TTLL5: variants seen among roughly 807,000 people sequenced by gnomAD.
TTLL5 encodes the protein tubulin tyrosine ligase like 5.
TTLL5 carries 132 observed loss-of-function variants against 168.4 expected under a neutral mutation model. The ratio of observed to expected loss-of-function variants is 0.78; its 90% CI spans 0.68 to 0.91. The LOEUF (loss-of-function observed/expected upper bound fraction) is 0.91, where lower values mean the gene tolerates loss of function less well. Ranked by LOEUF, TTLL5 falls within the 40% of genes least tolerant of loss-of-function variation. TTLL5 has a pLI of 0.00. For synonymous variants in TTLL5, 546 were observed against 558.6 expected, an observed-to-expected ratio of 0.98 and a Z score of 0.32; for missense variants, 1,545 against 1,581.5, an observed-to-expected ratio of 0.98 and a Z score of 0.39.
chr14:75,716,740 C>T (rs189525865), intron 9 of TTLL5, among the ~76,000 whole-genome samples: 57 of 152,196 alleles, frequency 3.7e-4, no homozygotes, highest in Non-Finnish European at 7.2e-4. Context: ...TGATACTGAG[C>T]ATCCTTTTGT....
intron 29 of TTLL5, among the ~76,000 whole-genome samples, chr14:75,870,315 C>T (rs1474962786): frequency 6.6e-6 from 1 of 150,768 alleles, no homozygotes; most frequent in Non-Finnish European, 1.5e-5. Context: ...CTATATTGCC[C>T]AGGCAGGTCT....
chr14:75,707,760 A>G (rs1886763950), intron 9 of TTLL5, 53 bp downstream of exon 9: 2 of 1,396,626 alleles, frequency 1.4e-6, no homozygotes, highest in Non-Finnish European at 2.0e-6. Context: ...AAGGGTGGGT[A>G]TATTAAGAGT....
intron 18 of TTLL5, among the ~76,000 whole-genome samples, chr14:75,762,453 A>G: frequency 6.6e-6 from 1 of 152,302 alleles, no homozygotes; most frequent in Middle Eastern, 3.4e-3. Context: ...TAGCTAAAAG[A>G]TATCCAACTT....
At chr14:75,753,613 G>C (rs1890084500) in intron 18 of TTLL5, among the ~76,000 whole-genome samples, 1 of 152,146 alleles carries the variant, frequency 6.6e-6, no homozygotes, top group East Asian at 1.9e-4. Flanking sequence ...TCTTAAAATA[G>C]ATACCCATGT....
At chr14:75,775,430 G>C in intron 21 of TTLL5, 54 bp from the exon 22 acceptor site, 18 of 1,590,850 alleles carry the variant, frequency 1.1e-5, no homozygotes, top group Non-Finnish European at 1.5e-5. Flanking sequence ...CTTGTCTTCT[G>C]TTGCTTAGCA....
rs1225151935 is a variant in TTLL5, at chr14:75,925,270, G to A, written c.3823+23046G>A. On this transcript the variant is annotated intron_variant, in intron 31 of 31. Coordinates refer to ENST00000298832, the MANE Select transcript of TTLL5 (RefSeq NM_015072.5). ...CTCCCTCCCGGACGGGGTGGCTGCCGGGCGGAGGGGCTCCTCACTTCTCAG... is the reference window on the plus strand; with the variant it reads ...CTCCCTCCCGGACGGGGTGGCTGCCAGGCGGAGGGGCTCCTCACTTCTCAG... Among the ~76,000 whole-genome samples the A allele has an allele frequency of 2.3e-3, 341 of 151,224 alleles. 1 individual carries two copies. Among genetic ancestry groups the A allele is most frequent in the Non-Finnish European group, 3.6e-3 (247 of 67,774 alleles).
intron 6 of TTLL5, among the ~76,000 whole-genome samples, chr14:75,691,334 A>G (rs1399114244): frequency 1.3e-5 from 2 of 152,206 alleles, no homozygotes; most frequent in Admixed American, 6.5e-5. Context: ...AGCCTGACTC[A>G]GTAGGCTTAA....
Position 75,860,819 on chromosome 14 carries a change from A to C in TTLL5, c.3327-2848A>C, listed in dbSNP as rs753959059. 8.0e-4 allele frequency among the ~76,000 whole-genome samples: 121 copies of C among 152,084 alleles called. 3 individuals carry two copies. The highest frequency in any genetic ancestry group is 2.1e-4 in the Non-Finnish European group (14 of 68,026). ...AGTTTTGGGTGTTTTATCTTCAGTA[A>C]GCTTTTCTCTTCCCTCACTAATGAG... On this transcript the variant is annotated intron_variant, in intron 28 of 31. Coordinates refer to ENST00000298832, the MANE Select transcript of TTLL5 (RefSeq NM_015072.5).
At chr14:75,891,027 T>C (rs2032376734) in intron 30 of TTLL5, among the ~76,000 whole-genome samples, 1 of 152,214 alleles carries the variant, frequency 6.6e-6, no homozygotes, top group Non-Finnish European at 1.5e-5. Context: ...CCCATTTTTC[T>C]GAAATCTTTG....
rs550878655 is a variant in TTLL5, at chr14:75,891,548, G to A, written c.3740+8646G>A. On this transcript the variant is annotated intron_variant, in intron 30 of 31. Transcript: ENST00000298832. ...TTGCATGGTTTGTTTTTGAGAGAAG[G>A]GATAAACTCATTCCCAGTGCCTGAG... Among the ~76,000 whole-genome samples, 253 of 152,212 alleles carry A rather than the reference G, an allele frequency of 1.7e-3. 1 individual carries two copies. Among genetic ancestry groups the A allele is most frequent in the Non-Finnish European group, 2.9e-3 (195 of 68,004 alleles).
chr14:75,793,174 C>T lies in TTLL5; in HGVS notation c.3171+74C>T, dbSNP rs1595051051. On this transcript the variant is annotated intron_variant, in intron 27 of 31. Transcript: ENST00000298832. ...ATTAATGACAGGGTACTTTGTCTTTCCCTGTCTTTACTATTCCCATATACT... is the reference window on the plus strand; with the variant it reads ...ATTAATGACAGGGTACTTTGTCTTTTCCTGTCTTTACTATTCCCATATACT... 2.2e-6 allele frequency: 3 copies of T among 1,382,726 alleles called. No homozygotes were observed. The East Asian group carries it at 7.1e-5, about 33-fold the overall frequency. The allele number at this position is 1,382,726 out of a possible 1,614,324, so 85.7% of individuals were successfully genotyped here. A position where few individuals can be genotyped will look rare whatever the true frequency, so the allele number is the denominator to read the frequency against.
intron 15 of TTLL5, among the ~76,000 whole-genome samples, chr14:75,738,728 C>T (rs1036846937): frequency 2.0e-5 from 3 of 152,038 alleles, no homozygotes; most frequent in Admixed American, 6.5e-5. Context: ...GAAAGGAGTA[C>T]GTTAGGAAAG....
intron 31 of TTLL5, among the ~76,000 whole-genome samples, chr14:75,942,576 C>G (rs972796240): frequency 2.0e-5 from 3 of 152,216 alleles, no homozygotes; most frequent in African/African-American, 7.2e-5. Context: ...GAGGGTCTCT[C>G]CACCATTCCT....
intron 20 of TTLL5, among the ~76,000 whole-genome samples, chr14:75,768,463 C>T (rs1225621212): frequency 6.6e-6 from 1 of 151,312 alleles, no homozygotes; most frequent in Non-Finnish European, 1.5e-5. Context: ...AAGAATGCAT[C>T]AGGGAGACAG....
chr14:75,722,688 C>T (rs867027062), intron 12 of TTLL5, among the ~76,000 whole-genome samples: 17 of 151,720 alleles, frequency 1.1e-4, no homozygotes, highest in Middle Eastern at 3.4e-3. Context: ...TCACTGTTGT[C>T]TAGGCTAGAG....
intron 28 of TTLL5, among the ~76,000 whole-genome samples, chr14:75,837,860 A>AGT (rs886416661): frequency 2.6e-5 from 4 of 151,752 alleles, no homozygotes; most frequent in African/African-American, 4.8e-5. Context: ...TGTGTATGGG[A>AGT]GTGTGTGTGT....
rs374668537 is a variant in TTLL5 at position 75,742,384 on chromosome 14, A to T, written c.1282-2711A>T. 7.5e-3 allele frequency among the ~76,000 whole-genome samples: 1,137 copies of T among 152,008 alleles called. 10 individuals are homozygous for T. The highest frequency in any genetic ancestry group is 0.014 in the Middle Eastern group (4 of 294). On this transcript the variant is annotated intron_variant, in intron 15 of 31. Transcript: ENST00000298832. The stretch of plus-strand genomic sequence containing the variant: ...TAGAGGACTGACTGCCAGTGGCTTT[A>T]TTGTTTTGTTTTGTTTTGTTTTGTT...
intron 28 of TTLL5, among the ~76,000 whole-genome samples, chr14:75,826,296 T>TATACACAC (rs548406512): frequency 8.6e-5 from 12 of 139,352 alleles, no homozygotes; most frequent in African/African-American, 3.0e-4. Flanking sequence ...AGGATACGCG[T>TATACACAC]ACACACACAC....
chr14:75,921,464 C>G (rs1341966876), intron 31 of TTLL5, among the ~76,000 whole-genome samples: 3 of 152,178 alleles, frequency 2.0e-5, no homozygotes, highest in Non-Finnish European at 4.4e-5. Context: ...TTTCCCAGCA[C>G]CATTTATTAA....
Sources: allele counts gnomAD v4.1 joint callset (sites outside exome capture counted in the v4.1 genomes callset), GRCh38; gene constraint gnomAD v4.1.1; transcripts MANE v1.5; gene names NCBI Gene and HGNC (gene_info 2026-07-23, HGNC 2026-07-21).